CNTN5: variants seen among roughly 807,000 people sequenced by gnomAD.
The protein encoded by CNTN5 is contactin 5.
Under a neutral mutation model 129.1 loss-of-function variants are expected in CNTN5, and 77 were observed. That is an observed-to-expected ratio of 0.60 (90% confidence interval 0.50 to 0.72). The LOEUF is 0.72. Ranked by LOEUF, CNTN5 falls within the 30% of genes least tolerant of loss-of-function variation. The pLI is 0.00. For synonymous variants in CNTN5, 509 were observed against 465.6 expected (o/e 1.09, Z -1.20); for missense variants, 1,478 against 1,328.8 (o/e 1.11, Z -1.75).
intron 6 of CNTN5, among the ~76,000 whole-genome samples, chr11:99,876,268 T>C (rs1235330907): frequency 6.6e-6 from 1 of 152,142 alleles, no homozygotes; most frequent in Non-Finnish European, 1.5e-5. Flanking sequence ...TGTTAGGCCC[T>C]TTTTCCTAAT....
At chr11:99,754,234 A>G (rs1474514687) in intron 3 of CNTN5, among the ~76,000 whole-genome samples, 3 of 152,190 alleles carry the variant, frequency 2.0e-5, no homozygotes, top group Admixed American at 1.3e-4. Flanking sequence ...TGGTAAGATG[A>G]GAGTAAAGAT....
chr11:100,230,199 C>G (rs941483533), intron 16 of CNTN5, among the ~76,000 whole-genome samples: 1 of 152,044 alleles, frequency 6.6e-6, no homozygotes, highest in Non-Finnish European at 1.5e-5. Flanking sequence ...ATAAAATGTC[C>G]TTCCTCTTAA....
At chr11:99,639,483 C>A (rs1177225807) in intron 3 of CNTN5, among the ~76,000 whole-genome samples, 1 of 151,116 alleles carries the variant, frequency 6.6e-6, no homozygotes, top group African/African-American at 2.4e-5. Context: ...CATAGTCAGG[C>A]TGCAAATTTT....
chr11:99,956,717 TA>T, intron 7 of CNTN5, 88 bp from the exon 8 acceptor site: 1 of 885,808 alleles, frequency 1.1e-6, no homozygotes, highest in Non-Finnish European at 1.8e-6. Context: ...GCAATATATC[TA>T]ATGCTTTCTA....
chr11:99,965,507 G>A (rs1452447802), intron 8 of CNTN5, among the ~76,000 whole-genome samples: 1 of 152,160 alleles, frequency 6.6e-6, no homozygotes, highest in African/African-American at 2.4e-5. Flanking sequence ...TAGTTTGATT[G>A]CACTGTAGTC....
chr11:99,655,221 A>G (rs940856100), intron 3 of CNTN5, among the ~76,000 whole-genome samples: 1 of 152,104 alleles, frequency 6.6e-6, no homozygotes, highest in African/African-American at 2.4e-5. Context: ...GTATCAAATC[A>G]ATTATTAAAC....
At chr11:99,825,486 A>G (rs952624080) in intron 4 of CNTN5, among the ~76,000 whole-genome samples, 1 of 152,006 alleles carries the variant, frequency 6.6e-6, no homozygotes, top group African/African-American at 2.4e-5. Context: ...ATACTTAATT[A>G]TATTTTCTGT....
intron 2 of CNTN5, among the ~76,000 whole-genome samples, chr11:99,549,326 T>C (rs1489395094): frequency 6.6e-6 from 1 of 152,142 alleles, no homozygotes; most frequent in Non-Finnish European, 1.5e-5. Flanking sequence ...CTTTTATGAA[T>C]GGAGTATCTC....
At chr11:99,253,494 A>C (rs1862219979) in intron 1 of CNTN5, among the ~76,000 whole-genome samples, 11 of 152,080 alleles carry the variant, frequency 7.2e-5, no homozygotes, top group Admixed American at 7.2e-4. Flanking sequence ...TTTGACTCTT[A>C]AGAGTTTATT....
chr11:99,683,690 A>G (rs1953660482), intron 3 of CNTN5, among the ~76,000 whole-genome samples: 1 of 151,922 alleles, frequency 6.6e-6, no homozygotes, highest in Non-Finnish European at 1.5e-5. Context: ...GTTTGGGAGT[A>G]CATTGAGTCT....
intron 2 of CNTN5, among the ~76,000 whole-genome samples, chr11:99,492,324 T>C (rs985293772): frequency 6.6e-6 from 1 of 152,196 alleles, no homozygotes; most frequent in Non-Finnish European, 1.5e-5. Context: ...CAATTACCTC[T>C]TTAATAGACC....
chr11:99,953,249 A>G lies in CNTN5; in HGVS notation c.674-3557A>G, dbSNP rs1313910327. Among the ~76,000 whole-genome samples, 3 of 152,172 alleles carry G rather than the reference A, an allele frequency of 2.0e-5. No individual in the cohort carries two copies. The East Asian group carries it at 5.8e-4, about 29-fold the overall frequency. On this transcript the variant is annotated intron_variant, in intron 7 of 24. Transcript: ENST00000524871. ...TTTTTGTATACTCTGTAGATGTGGA[A>G]ATGCGTCACTTAAATAATCATCTTT...
In CNTN5 at chr11:99,952,809, G is replaced by T. The variant is rs1479636680; in HGVS notation, c.674-3997G>T. ...AAAAATAGGGATTTTGGTAAATAAG[G>T]CCTGTTAACTGAGAATCTTACCATA... On this transcript the variant is annotated intron_variant, in intron 7 of 24. Transcript: ENST00000524871. Among the ~76,000 whole-genome samples the T allele has an allele frequency of 2.6e-5, 4 of 152,074 alleles. No homozygotes were observed. The East Asian group carries it at 7.7e-4, about 29-fold the overall frequency.
chr11:100,284,840 A>G (rs890477634), intron 18 of CNTN5, among the ~76,000 whole-genome samples: 1 of 152,230 alleles, frequency 6.6e-6, no homozygotes, highest in African/African-American at 2.4e-5. Flanking sequence ...ATGAATAAAT[A>G]TACATATATG....
At chr11:99,046,554 C>T (rs568775897) in intron 1 of CNTN5, among the ~76,000 whole-genome samples, 5 of 151,954 alleles carry the variant, frequency 3.3e-5, no homozygotes, top group South Asian at 2.1e-4. Context: ...AAATTATTTA[C>T]CAGTTTACTC....
chr11:99,943,566 C>T (rs904223955), intron 7 of CNTN5, among the ~76,000 whole-genome samples: 3 of 151,980 alleles, frequency 2.0e-5, no homozygotes, highest in Admixed American at 1.3e-4. Flanking sequence ...TGTTCGCTTT[C>T]GTTGCCATTG....
chr11:99,049,775 A>G (rs1363295936), intron 1 of CNTN5: 1 of 152,108 alleles, frequency 6.6e-6, no homozygotes, highest in East Asian at 1.9e-4. Flanking sequence ...ACTTATATAT[A>G]TTTGGGCTCC....
At chr11:99,735,489 T>TTG (rs1432154270) in intron 3 of CNTN5, among the ~76,000 whole-genome samples, 4 of 152,122 alleles carry the variant, frequency 2.6e-5, no homozygotes, top group Admixed American at 6.5e-5. Flanking sequence ...ACAATGAAGA[T>TTG]TGAATTTATT....
chr11:99,118,439 G>T (rs1858145058), intron 1 of CNTN5, among the ~76,000 whole-genome samples: 1 of 152,050 alleles, frequency 6.6e-6, no homozygotes, highest in Non-Finnish European at 1.5e-5. Context: ...ATTGGAGAGT[G>T]AATCAGCAAT....
Sources: gnomAD v4.1 joint callset for allele counts (sites outside exome capture counted in the v4.1 genomes callset) on GRCh38, gnomAD v4.1.1 for gene constraint, MANE v1.5 for transcripts, NCBI Gene and HGNC (gene_info 2026-07-23, HGNC 2026-07-21) for gene names.